CADPS2: variants seen among roughly 807,000 people sequenced by gnomAD.
The protein encoded by CADPS2 is calcium dependent secretion activator 2.
In CADPS2, 93 loss-of-function variants were observed where a neutral mutation model predicts 172.5. The observed-to-expected ratio is 0.54, with a 90% CI of 0.46 to 0.64. CADPS2 has a LOEUF of 0.64. Among genes scored for constraint, CADPS2 ranks in the 30% least tolerant of loss-of-function variants. CADPS2 has a pLI of 0.00. For missense variants in CADPS2, 1,420 were observed against 1,565.9 expected, an observed-to-expected ratio of 0.91 and a Z score of 1.57; for synonymous variants, 546 against 555.2, an observed-to-expected ratio of 0.98 and a Z score of 0.23.
chr7:122,730,473 A>G (rs2091533372), intron 2 of CADPS2, among the ~76,000 whole-genome samples: 1 of 151,794 alleles, frequency 6.6e-6, no homozygotes, highest in Non-Finnish European at 1.5e-5. Context: ...ATGACTATGA[A>G]CAATTATTTC....
chr7:122,785,257 T>C (rs2139513110), intron 1 of CADPS2, among the ~76,000 whole-genome samples: 1 of 152,362 alleles, frequency 6.6e-6, no homozygotes, highest in African/African-American at 2.4e-5. Flanking sequence ...TTGTTCTGAC[T>C]GTCTGGTGTT....
At chr7:122,870,588 T>C (rs1444665083) in intron 1 of CADPS2, among the ~76,000 whole-genome samples, 3 of 152,058 alleles carry the variant, frequency 2.0e-5, no homozygotes, top group Non-Finnish European at 4.4e-5. Flanking sequence ...TTAATAATTA[T>C]GTATTGTATA....
intron 4 of CADPS2, among the ~76,000 whole-genome samples, chr7:122,628,248 A>G (rs1017793282): frequency 6.6e-6 from 1 of 152,182 alleles, no homozygotes; most frequent in African/African-American, 2.4e-5. Context: ...ATTATGTATT[A>G]ATATTTACAA....
In CADPS2 at chr7:122,541,765, A is replaced by C. The variant is rs1241174432; in HGVS notation, c.1475+12785T>G. 4.1e-5 allele frequency among the ~76,000 whole-genome samples: 6 copies of C among 144,932 alleles called. No homozygotes were observed. In the East Asian group the frequency reaches 7.9e-4, roughly 19 times the overall value. On this transcript the variant is annotated intron_variant, in intron 8 of 29. Transcript: ENST00000449022. Reference sequence around the variant, plus strand: ...TATATTTACATATATTCATATATTTATATATTCACATATATTCATATATTT... The same window carrying C: ...TATATTTACATATATTCATATATTTCTATATTCACATATATTCATATATTT...
chr7:122,481,017 T>C (rs754619397), intron 11 of CADPS2, among the ~76,000 whole-genome samples, 157 bp from the exon 12 acceptor site: 9 of 152,116 alleles, frequency 5.9e-5, no homozygotes, highest in South Asian at 2.1e-4. Flanking sequence ...AAAACAAAAA[T>C]TGATTATGTA....
chr7:122,415,973 A>G (rs1321898932), intron 18 of CADPS2, 88 bp downstream of exon 18: 10 of 705,764 alleles, frequency 1.4e-5, no homozygotes. Flanking sequence ...ATGTATCAAG[A>G]CTATGGGCAG....
chr7:122,407,609 C>A lies in CADPS2; in HGVS notation c.2677G>T (p.Ala893Ser). The A allele has an allele frequency of 1.2e-6, 2 of 1,612,110 alleles. No individual in the cohort carries two copies. The highest frequency in any genetic ancestry group is 2.2e-5 in the South Asian group (2 of 90,450). The change falls in exon 20 of 30, where the codon GCT becomes TCT. Residue 893 changes from alanine to serine, a missense_variant. Coordinates refer to ENST00000449022, the MANE Select transcript of CADPS2 (RefSeq NM_017954.11). ...FTVDMDTALE[A>S]QPQDSWDSFP... ...CTATCCCAGGAGTCTTGCGGTTGAG[C>A]CTCTAGTGCAGTGTCCATATCCACT... is the stretch of plus-strand genomic sequence containing the variant.
At chr7:122,420,258 A>G (rs1241197308) in intron 17 of CADPS2, among the ~76,000 whole-genome samples, 1 of 152,232 alleles carries the variant, frequency 6.6e-6, no homozygotes, top group Non-Finnish European at 1.5e-5. Context: ...TCACAGAACC[A>G]ACCTCAGAAC....
In CADPS2 at chr7:122,853,965, G is replaced by A. The variant is rs376198038; in HGVS notation, c.339+32034C>T. ...TGGGGAGGAGTCCCTGATAGAAAAC[G>A]CCAGCCCTGTCCTTCCTTCAAAGAG... On this transcript the variant is annotated intron_variant, in intron 1 of 29. Transcript: ENST00000449022. Among the ~76,000 whole-genome samples, 8 of 152,232 alleles carry A rather than the reference G, an allele frequency of 5.3e-5. No homozygotes were observed. In the East Asian group the frequency reaches 7.7e-4, roughly 15 times the overall value.
intron 23 of CADPS2, 42 bp from the exon 24 acceptor site, chr7:122,387,215 T>C: frequency 2.6e-6 from 4 of 1,541,784 alleles, no homozygotes; most frequent in Non-Finnish European, 3.5e-6. Context: ...AATTCTGCTA[T>C]ACAGCTCACC....
chr7:122,474,962 C>T (rs781362648), intron 12 of CADPS2, among the ~76,000 whole-genome samples: 33 of 152,244 alleles, frequency 2.2e-4, no homozygotes, highest in Non-Finnish European at 4.1e-4. Context: ...CACTTCCAGT[C>T]TTCTTTTTGT....
chr7:122,825,077 G>A (rs1278446139), intron 1 of CADPS2, among the ~76,000 whole-genome samples: 3 of 152,118 alleles, frequency 2.0e-5, no homozygotes, highest in Admixed American at 2.0e-4. Context: ...AGAGTTCAAG[G>A]TTGAAAAATA....
chr7:122,668,539 T>C (rs1046126489), intron 2 of CADPS2, among the ~76,000 whole-genome samples: 1 of 151,920 alleles, frequency 6.6e-6, no homozygotes, highest in South Asian at 2.1e-4. Context: ...GTAAAAAATA[T>C]GGATTTACTA....
intron 6 of CADPS2, among the ~76,000 whole-genome samples, chr7:122,596,609 T>A (rs1186348288): frequency 6.6e-6 from 1 of 152,140 alleles, no homozygotes; most frequent in African/African-American, 2.4e-5. Context: ...AGTCATTACC[T>A]ATGTATGTTT....
intron 6 of CADPS2, among the ~76,000 whole-genome samples, chr7:122,581,660 G>A (rs544522188): frequency 1.2e-4 from 19 of 152,174 alleles, no homozygotes; most frequent in Admixed American, 7.2e-4. Flanking sequence ...GTTTGTTTAC[G>A]TAAGAGAGAG....
At chr7:122,844,796 T>C (rs1016789212) in intron 1 of CADPS2, among the ~76,000 whole-genome samples, 4 of 152,068 alleles carry the variant, frequency 2.6e-5, no homozygotes, top group African/African-American at 9.7e-5. Context: ...ATATTTAAGT[T>C]TCAGAGACAA....
At chr7:122,418,073 G>A (rs971315424) in intron 17 of CADPS2, among the ~76,000 whole-genome samples, 3 of 152,022 alleles carry the variant, frequency 2.0e-5, no homozygotes, top group South Asian at 2.1e-4. Context: ...AGGAGGCTGA[G>A]GCAGGAGAAT....
At chr7:122,599,312 C>CAG (rs1563818235) in intron 6 of CADPS2, among the ~76,000 whole-genome samples, 1 of 151,906 alleles carries the variant, frequency 6.6e-6, no homozygotes, top group African/African-American at 2.4e-5. Context: ...GAAGCCAAAC[C>CAG]AGAGAGAGGC....
intron 3 of CADPS2, among the ~76,000 whole-genome samples, chr7:122,641,296 TC>T (rs1422537323): frequency 6.6e-6 from 1 of 152,184 alleles, no homozygotes; most frequent in Non-Finnish European, 1.5e-5. Context: ...ACTTCAATTA[TC>T]AAAATACTTG....
Sources: allele counts gnomAD v4.1 joint callset (sites outside exome capture counted in the v4.1 genomes callset), GRCh38; gene constraint gnomAD v4.1.1; transcripts MANE v1.5; gene names NCBI Gene and HGNC (gene_info 2026-07-23, HGNC 2026-07-21).